WNK3: variants seen among roughly 807,000 people sequenced by gnomAD.
The protein encoded by WNK3 is WNK lysine deficient protein kinase 3.
Under a neutral mutation model 116.7 loss-of-function variants are expected in WNK3, and 18 were observed. That is an observed-to-expected ratio of 0.15 (90% confidence interval 0.11 to 0.23). WNK3 has a LOEUF of 0.23. Ranked by LOEUF, WNK3 falls within the 10% of genes least tolerant of loss-of-function variation. The pLI is 1.00. For synonymous variants in WNK3, 404 were observed against 469.4 expected, an observed-to-expected ratio of 0.86 and a Z score of 1.80; for missense variants, 993 against 1,323.8, an observed-to-expected ratio of 0.75 and a Z score of 3.88.
chrX:54,267,061 A>C (rs1289417003), intron 10 of WNK3, among the ~76,000 whole-genome samples: 1 of 110,995 alleles, frequency 9.0e-6, no homozygotes, highest in East Asian at 2.8e-4. Context: ...GTGGGTATCT[A>C]CCAAAAGGAT....
At chrX:54,212,808 G>A (rs1336959369) in intron 22 of WNK3, among the ~76,000 whole-genome samples, 1 of 111,102 alleles carries the variant, frequency 9.0e-6, no homozygotes, top group African/African-American at 3.3e-5. Context: ...GATTAGAGTT[G>A]GAGACATCAA....
At chrX:54,330,091 C>G (rs782366627) in intron 2 of WNK3, among the ~76,000 whole-genome samples, 1 of 111,141 alleles carries the variant, frequency 9.0e-6, no homozygotes, top group Non-Finnish European at 1.9e-5. Flanking sequence ...AATAAAAACA[C>G]GGCCAGGCAT....
Position 54,207,728 on chromosome X carries a change from G to A in WNK3, c.4871-5535C>T, listed in dbSNP as rs967627655. 3.3e-4 allele frequency among the ~76,000 whole-genome samples: 36 copies of A among 109,210 alleles called. 1 individual carries two copies. Among genetic ancestry groups the A allele is most frequent in the South Asian group, 4.0e-4 (1 of 2,510 alleles). 94.8% of individuals were successfully genotyped at this position (109,210 alleles called of 115,157 possible). Reference sequence around the variant, plus strand: ...GGGGTATCACCATGTTGGTCAGGCTGGTCTCAAACTCCTGACCTCAGGTGA... The same window carrying A: ...GGGGTATCACCATGTTGGTCAGGCTAGTCTCAAACTCCTGACCTCAGGTGA... On this transcript the variant is annotated intron_variant, in intron 22 of 23. Coordinates refer to ENST00000354646, the Ensembl canonical transcript of WNK3.
intron 1 of WNK3, among the ~76,000 whole-genome samples, chrX:54,341,559 G>A (rs2069324616): frequency 9.1e-6 from 1 of 110,303 alleles, no homozygotes; most frequent in South Asian, 3.9e-4. Flanking sequence ...AATAGCCACT[G>A]CCTGCTACCC....
At chrX:54,301,446 T>C (rs2068757840) in intron 6 of WNK3, among the ~76,000 whole-genome samples, 2 of 110,395 alleles carry the variant, frequency 1.8e-5, no homozygotes, top group Admixed American at 9.8e-5. Flanking sequence ...ATTTTTAAAA[T>C]TTTGTCCACT....
At chrX:54,291,014 C>T (rs2068631945) in intron 10 of WNK3, among the ~76,000 whole-genome samples, 1 of 111,643 alleles carries the variant, frequency 9.0e-6, no homozygotes, top group African/African-American at 3.3e-5. Context: ...ATACCTCAAA[C>T]ATAAACAATA....
At chrX:54,205,877 A>C (rs1028154833) in intron 22 of WNK3, among the ~76,000 whole-genome samples, 14 of 111,751 alleles carry the variant, frequency 1.3e-4, no homozygotes, top group Middle Eastern at 9.3e-3. Context: ...ATTAACTTCA[A>C]ATGTGCTCTT....
At chrX:54,226,767 G>T (rs1569535973) in intron 22 of WNK3, among the ~76,000 whole-genome samples, 2 of 110,509 alleles carry the variant, frequency 1.8e-5, no homozygotes, top group Non-Finnish European at 3.8e-5. Flanking sequence ...TTGAACCTGG[G>T]AGGCGGACGT....
At chrX:54,222,157 C>T (rs1182390182) in intron 22 of WNK3, among the ~76,000 whole-genome samples, 1 of 109,582 alleles carries the variant, frequency 9.1e-6, no homozygotes, top group African/African-American at 3.3e-5. Flanking sequence ...AACTTCGTCT[C>T]AAAACAAACA....
intron 10 of WNK3, among the ~76,000 whole-genome samples, chrX:54,273,219 C>A (rs2068403297): frequency 8.9e-6 from 1 of 112,406 alleles, no homozygotes. Context: ...GTGACTGAAT[C>A]AATATGGTAA....
At chrX:54,305,965 G>A (rs782684586) in intron 5 of WNK3, among the ~76,000 whole-genome samples, 15 of 110,644 alleles carry the variant, frequency 1.4e-4, no homozygotes, top group Non-Finnish European at 2.1e-4. Flanking sequence ...TGAGGCAGGA[G>A]AATCACCTGA....
intron 20 of WNK3, among the ~76,000 whole-genome samples, chrX:54,234,277 TG>T: frequency 9.2e-6 from 1 of 108,427 alleles, no homozygotes; most frequent in East Asian, 3.0e-4. Flanking sequence ...GAAGCTGAGG[TG>T]GGAGGATGGC....
At chrX:54,226,153 C>A (rs1190352730) in intron 22 of WNK3, among the ~76,000 whole-genome samples, 3 of 84,497 alleles carry the variant, frequency 3.6e-5, no homozygotes, top group Non-Finnish European at 6.8e-5. Flanking sequence ...ACCATATGCA[C>A]AAATTAACTC....
chrX:54,317,226 C>T (rs1471613898), intron 2 of WNK3, among the ~76,000 whole-genome samples: 2 of 106,923 alleles, frequency 1.9e-5, no homozygotes, highest in East Asian at 2.9e-4. Flanking sequence ...GAGGCACAAT[C>T]TCGGCTCACT....
chrX:54,295,939 T>C (rs782672658), intron 7 of WNK3, among the ~76,000 whole-genome samples: 7 of 111,361 alleles, frequency 6.3e-5, no homozygotes, highest in Admixed American at 3.8e-4. Flanking sequence ...TCCTCTCACC[T>C]CGGTCTCCCC....
chrX:54,316,014 G>A (rs1446538012), intron 2 of WNK3, among the ~76,000 whole-genome samples: 10 of 111,545 alleles, frequency 9.0e-5, no homozygotes, highest in Non-Finnish European at 1.5e-4. Context: ...AAGACTAAAA[G>A]ACTGGTCAGC....
intron 22 of WNK3, among the ~76,000 whole-genome samples, chrX:54,219,846 G>GA (rs2067742552): frequency 1.8e-5 from 2 of 111,045 alleles, no homozygotes; most frequent in Non-Finnish European, 3.8e-5. Context: ...TTAATCTATA[G>GA]GAAAAGAAGT....
chrX:54,223,055 T>C (rs1341255877), intron 22 of WNK3, among the ~76,000 whole-genome samples: 3 of 106,555 alleles, frequency 2.8e-5, no homozygotes, highest in Non-Finnish European at 3.8e-5. Context: ...ATCGAAGATA[T>C]ATAGAAAACA....
intron 23 of WNK3, among the ~76,000 whole-genome samples, chrX:54,199,740 A>C (rs2067483473): frequency 8.9e-6 from 1 of 111,918 alleles, no homozygotes; most frequent in South Asian, 3.7e-4. Context: ...AGGCTGAGGC[A>C]GCAGAATTGT....
Sources: gnomAD v4.1 joint callset for allele counts (sites outside exome capture counted in the v4.1 genomes callset) on GRCh38, gnomAD v4.1.1 for gene constraint, MANE v1.5 for transcripts, NCBI Gene and HGNC (gene_info 2026-07-23, HGNC 2026-07-21) for gene names.